Variants in KCNAB2 observed in about 807,000 individuals in gnomAD.
KCNAB2 encodes voltage-gated potassium channel subunit beta-2.
In KCNAB2, 29 loss-of-function variants were observed where a neutral mutation model predicts 63.6. That is an observed-to-expected ratio of 0.46 (90% CI 0.34 to 0.62). KCNAB2 has a LOEUF of 0.62. Among genes scored for constraint, KCNAB2 ranks in the 20% least tolerant of loss-of-function variants. The probability of loss-of-function intolerance (pLI) is 0.01; values close to 1 mark genes in which losing one functional copy is unlikely to be tolerated. For missense variants in KCNAB2, 359 were observed against 563.9 expected (o/e 0.64, Z 3.68); for synonymous variants, 222 against 224.2 (o/e 0.99, Z 0.09).
chr1:6,045,020 C>A (rs1218956155), upstream of KCNAB2, among the ~76,000 whole-genome samples: 2 of 152,194 alleles, frequency 1.3e-5, no homozygotes, highest in Non-Finnish European at 2.9e-5. The surrounding 1 kb of genome is among the most constrained non-coding windows in gnomAD (Gnocchi z 4.8). Flanking sequence ...GGGGATCTGA[C>A]AGAGTGGGCT....
chr1:6,030,527 A>ATGTGTG (rs35807332), upstream of KCNAB2, among the ~76,000 whole-genome samples: 5 of 147,772 alleles, frequency 3.4e-5, no homozygotes, highest in African/African-American at 7.9e-5. Flanking sequence ...GTATGTGTGT[A>ATGTGTG]TGTGTGTGTA....
In KCNAB2 at chr1:5,996,156, C is replaced by T. The variant is rs1288156673; in HGVS notation, c.-53+3368C>T. On this transcript the variant is annotated intron_variant, in intron 1 of 16. Transcript: ENST00000341524. ...GAGGCAAAGGGAACAGGACCCTCTT[C>T]CCCAGGAGAGAGCACACTGGGGGAG... 2.0e-5 allele frequency: 3 copies of T among 152,422 alleles called. No individual in the cohort carries two copies. The East Asian group carries it at 5.8e-4, about 29-fold the overall frequency. 9.4% of individuals were successfully genotyped at this position (152,422 alleles called of 1,614,324 possible).
chr1:6,058,252 T>G (rs1418511754), intron 2 of KCNAB2, among the ~76,000 whole-genome samples: 1 of 152,204 alleles, frequency 6.6e-6, no homozygotes, highest in Non-Finnish European at 1.5e-5. Context: ...AGACCTTGTT[T>G]CCAAATAAAG....
rs984460260 is a variant in KCNAB2 at position 6,099,690 on chromosome 1, T to C, written c.*1116T>C. ...GTAAGGAAGGGTCTTTGGGGTTTTC[T>C]GTGCCCATGACTTGGGGGCTGCACC... On this transcript the variant is annotated 3_prime_UTR_variant, in exon 16 of 16. Transcript: ENST00000378083. The C allele has an allele frequency of 2.0e-5, 28 of 1,380,456 alleles. No individual in the cohort carries two copies. Among genetic ancestry groups the C allele is most frequent in the East Asian group, 1.3e-4 (5 of 39,162 alleles). 85.5% of individuals were successfully genotyped at this position (1,380,456 alleles called of 1,614,324 possible). A position where few individuals can be genotyped will look rare whatever the true frequency, so the allele number is the denominator to read the frequency against.
chr1:6,097,695 T>C, intron 15 of KCNAB2: 1 of 554,800 alleles, frequency 1.8e-6, no homozygotes, highest in Non-Finnish European at 3.2e-6. Context: ...AAGGTGGTGC[T>C]TGAGCAGTCT....
intron 1 of KCNAB2, among the ~76,000 whole-genome samples, chr1:6,025,760 G>A (rs761990363): frequency 1.3e-5 from 2 of 152,150 alleles, no homozygotes; most frequent in Non-Finnish European, 2.9e-5. Flanking sequence ...CTGTAGCATG[G>A]GGGGGCAGCA....
At chr1:6,004,946 TGGG>T (rs199859113) in intron 1 of KCNAB2, among the ~76,000 whole-genome samples, 1 of 116,674 alleles carries the variant, frequency 8.6e-6, no homozygotes. Flanking sequence ...GAGGGTGGAG[TGGG>T]GGGATGTGGG....
rs1665630276 is a variant in KCNAB2, at chr1:6,096,267, C to T, written c.949-369C>T. The T allele has an allele frequency of 2.5e-6, 1 of 407,956 alleles. No individual in the cohort carries two copies. The highest frequency in any genetic ancestry group is 4.8e-6 in the Non-Finnish European group (1 of 207,752). The allele number at this position is 407,956 out of a possible 1,614,324, so 25.3% of individuals were successfully genotyped here. On this transcript the variant is annotated intron_variant, in intron 13 of 15. Transcript: ENST00000378083. This position sits in a 1 kb window ranked among gnomAD's most constrained non-coding sequence, Gnocchi z 5.9. ...GGGGGGATGGCCAGGGGAGAGAGCA[C>T]TCCCCTAGGGCCAGGAGGTTCTTCT...
intron 1 of KCNAB2, among the ~76,000 whole-genome samples, chr1:6,050,913 A>G (rs1480014022): frequency 1.3e-5 from 2 of 152,276 alleles, no homozygotes; most frequent in Admixed American, 6.5e-5. Flanking sequence ...AATGTGTTGT[A>G]TAGATAGCAT....
rs1237989158 is a variant in KCNAB2, at chr1:6,071,215, GA to G, written c.219-1539del. 6.6e-6 allele frequency among the ~76,000 whole-genome samples: 1 copy of G among 152,212 alleles called. No individual in the cohort carries two copies. The highest frequency in any genetic ancestry group is 1.5e-5 in the Non-Finnish European group (1 of 68,048). On this transcript the variant is annotated intron_variant, in intron 2 of 15. Coordinates refer to ENST00000378083, the MANE Select transcript of KCNAB2 (RefSeq NM_001199862.2). The surrounding 1 kb of genome is among the most constrained non-coding windows in gnomAD (Gnocchi z 8.5). ...CCAGGGGCCAGGCTTGGACAGGAAA[GA>G]GGATAAACTGAGGACATCGCATCCT... is the stretch of plus-strand genomic sequence containing the variant.
chr1:6,080,026 G>A (rs932840804), intron 4 of KCNAB2, among the ~76,000 whole-genome samples: 3 of 152,204 alleles, frequency 2.0e-5, no homozygotes, highest in African/African-American at 7.2e-5. Context: ...TGGGTAGTGT[G>A]CCACCCCTCC....
chr1:6,090,500 C>A, intron 9 of KCNAB2, 25 bp downstream of exon 9: 2 of 1,590,326 alleles, frequency 1.3e-6, no homozygotes, highest in Non-Finnish European at 1.7e-6. Context: ...GCGGCGCCAC[C>A]GGTTAGGCCT....
At chr1:6,092,549 G>A (rs1033606948) in intron 10 of KCNAB2, among the ~76,000 whole-genome samples, 1 of 152,260 alleles carries the variant, frequency 6.6e-6, no homozygotes, top group African/African-American at 2.4e-5. Flanking sequence ...GAAGAATCGG[G>A]AACTGATGCT....
At position 6,016,362 on chromosome 1, in the gene KCNAB2, C is replaced by G. The variant is rs188246446; in HGVS notation, c.-53+23574C>G. 2.9e-3 allele frequency among the ~76,000 whole-genome samples: 439 copies of G among 152,332 alleles called. 8 individuals carry two copies. The highest frequency in any genetic ancestry group is 0.015 in the East Asian group (77 of 5,174). On this transcript the variant is annotated intron_variant, in intron 1 of 16. Coordinates refer to the KCNAB2 transcript ENST00000341524. ...TCCTTTCCTGGGATGCACTGACGTC[C>G]CTTGGCTCTTCCCCAGCTTCCATGA...
At chr1:6,002,786 G>A (rs1181015343) in intron 1 of KCNAB2, among the ~76,000 whole-genome samples, 10 of 152,124 alleles carry the variant, frequency 6.6e-5, no homozygotes, top group African/African-American at 1.4e-4. Flanking sequence ...AGCTGAGAGC[G>A]GCTGCCCCCC....
intron 1 of KCNAB2, among the ~76,000 whole-genome samples, chr1:6,050,060 A>G (rs1212633633): frequency 6.6e-6 from 1 of 152,184 alleles, no homozygotes; most frequent in Non-Finnish European, 1.5e-5. Context: ...GGAAAGGCCC[A>G]GCCTGGGGCA....
At chr1:6,027,155 G>C (rs1659242808) in intron 1 of KCNAB2, 1 of 153,006 alleles carries the variant, frequency 6.5e-6, no homozygotes, top group African/African-American at 2.4e-5. Context: ...CATTTCCCCT[G>C]GGCAGGATAT....
intron 2 of KCNAB2, among the ~76,000 whole-genome samples, chr1:6,062,991 A>G (rs1227711097): frequency 6.6e-6 from 1 of 151,448 alleles, no homozygotes; most frequent in Non-Finnish European, 1.5e-5. Flanking sequence ...ACCCCCTGCA[A>G]CCACCAAGCT....
At position 6,087,875 on chromosome 1, in the gene KCNAB2, T is replaced by C. The variant is rs1664836409; in HGVS notation, c.470+364T>C. ...CACTATGGTAACATCATAAAAATTATAGAGAAAACAGAAAATTTGTGAACT... is the reference window on the plus strand; with the variant it reads ...CACTATGGTAACATCATAAAAATTACAGAGAAAACAGAAAATTTGTGAACT... On this transcript the variant is annotated intron_variant, in intron 7 of 15. Coordinates refer to ENST00000378083, the MANE Select transcript of KCNAB2 (RefSeq NM_001199862.2). The surrounding 1 kb of genome is among the most constrained non-coding windows in gnomAD (Gnocchi z 6.4). Among the ~76,000 whole-genome samples, 1 of 152,200 alleles carries C rather than the reference T, an allele frequency of 6.6e-6. No homozygotes were observed. The highest frequency in any genetic ancestry group is 2.1e-4 in the South Asian group (1 of 4,830).
Sources: gnomAD v4.1 joint callset for allele counts (sites outside exome capture counted in the v4.1 genomes callset) on GRCh38, gnomAD v4.1.1 for gene constraint, Gnocchi (gnomAD v3.1) non-coding constraint, MANE v1.5 for transcripts, NCBI Gene and HGNC (gene_info 2026-07-23, HGNC 2026-07-21) for gene names.